Variants in CCDC91 observed in about 807,000 individuals in gnomAD.
The protein encoded by CCDC91 is coiled-coil domain containing 91, also known as coiled-coil domain-containing protein 91.
A neutral mutation model predicts 63.2 loss-of-function variants in CCDC91; 48 were observed. The ratio of observed to expected loss-of-function variants is 0.76; its 90% CI spans 0.60 to 0.97. The LOEUF is 0.97. Ranked by LOEUF, CCDC91 falls within the 50% of genes least tolerant of loss-of-function variation. The pLI is 0.00. For synonymous variants in CCDC91, 167 were observed against 165.8 expected (o/e 1.01, Z -0.06); for missense variants, 500 against 494.6 (o/e 1.01, Z -0.10).
At chr12:28,514,748 C>A (rs960401345) in intron 12 of CCDC91, among the ~76,000 whole-genome samples, 1 of 151,824 alleles carries the variant, frequency 6.6e-6, no homozygotes, top group Non-Finnish European at 1.5e-5. Context: ...ATAGGGAGTT[C>A]TTTCCCCATT....
At chr12:28,543,174 A>C (rs1198602989) in intron 12 of CCDC91, among the ~76,000 whole-genome samples, 1 of 151,982 alleles carries the variant, frequency 6.6e-6, no homozygotes, top group Non-Finnish European at 1.5e-5. Context: ...GCCCTACCCT[A>C]ATCCAGTAAG....
intron 1 of CCDC91, among the ~76,000 whole-genome samples, chr12:28,194,921 G>T (rs1386554255): frequency 1.3e-5 from 2 of 152,234 alleles, no homozygotes; most frequent in African/African-American, 4.8e-5. Flanking sequence ...TACCTTCACT[G>T]TGAGTGTTAC....
intron 3 of CCDC91, among the ~76,000 whole-genome samples, chr12:28,261,778 A>C (rs1444012461): frequency 6.6e-6 from 1 of 151,946 alleles, no homozygotes; most frequent in Non-Finnish European, 1.5e-5. Flanking sequence ...TTAGTGGGTC[A>C]AGTTCTCAAA....
At chr12:28,238,452 T>C (rs1370149551) in intron 1 of CCDC91, among the ~76,000 whole-genome samples, 2 of 152,140 alleles carry the variant, frequency 1.3e-5, no homozygotes, top group African/African-American at 4.8e-5. Flanking sequence ...AAGAATTAGT[T>C]TTTATATTTT....
chr12:28,429,858 A>C lies in CCDC91; in HGVS notation c.763-20303A>C, dbSNP rs183764515. Reference sequence around the variant, plus strand: ...TTAAAAAAAAATTTAATCGCATCCCAAAAAAACTCTCTGATGCTCTCTTGT... The same window carrying C: ...TTAAAAAAAAATTTAATCGCATCCCCAAAAAACTCTCTGATGCTCTCTTGT... On this transcript the variant is annotated intron_variant, in intron 8 of 12. Transcript: ENST00000536442. Among the ~76,000 whole-genome samples the C allele has an allele frequency of 2.4e-3, 360 of 152,082 alleles. 1 individual carries two copies. The highest frequency in any genetic ancestry group is 8.3e-3 in the African/African-American group (344 of 41,524).
At chr12:28,534,694 G>A (rs930547892) in intron 12 of CCDC91, among the ~76,000 whole-genome samples, 2 of 152,120 alleles carry the variant, frequency 1.3e-5, no homozygotes, top group Non-Finnish European at 2.9e-5. Context: ...TTTAAAAATG[G>A]AATCCATATT....
intron 6 of CCDC91, among the ~76,000 whole-genome samples, chr12:28,348,852 T>TA (rs1337520101): frequency 3.1e-4 from 47 of 152,086 alleles, no homozygotes; most frequent in Non-Finnish European, 5.6e-4. Flanking sequence ...GCCTCCTGAG[T>TA]AGCTGGGACT....
intron 11 of CCDC91, among the ~76,000 whole-genome samples, chr12:28,462,824 C>T (rs10843181): frequency 0.21 from 31,706 of 151,842 alleles, 4,336 homozygotes; most frequent in Non-Finnish European, 0.31. Flanking sequence ...ATTCTATGAG[C>T]ACATTTGAGG....
intron 8 of CCDC91, among the ~76,000 whole-genome samples, chr12:28,394,240 G>A (rs1946131479): frequency 6.6e-6 from 1 of 152,162 alleles, no homozygotes; most frequent in Admixed American, 6.5e-5. Flanking sequence ...GCCACGGCGG[G>A]CCGATCACAA....
intron 1 of CCDC91, among the ~76,000 whole-genome samples, chr12:28,195,049 T>C (rs1191405731): frequency 6.7e-6 from 1 of 148,494 alleles, no homozygotes; most frequent in African/African-American, 2.5e-5. Flanking sequence ...TGCTGCTGGC[T>C]CGGGTGGCCT....
intron 6 of CCDC91, among the ~76,000 whole-genome samples, chr12:28,325,897 G>T (rs1436102832): frequency 6.6e-6 from 1 of 151,968 alleles, no homozygotes; most frequent in East Asian, 1.9e-4. Flanking sequence ...AAAATGTATA[G>T]ACCTAATCAA....
intron 3 of CCDC91, among the ~76,000 whole-genome samples, chr12:28,294,466 GCT>G (rs1949435935): frequency 6.6e-6 from 1 of 152,008 alleles, no homozygotes; most frequent in African/African-American, 2.4e-5. Context: ...CCCTTCTCTG[GCT>G]CTCTTTCTCC....
At chr12:28,237,241 C>CACACAG (rs1293992028) in intron 1 of CCDC91, among the ~76,000 whole-genome samples, 3 of 150,648 alleles carry the variant, frequency 2.0e-5, no homozygotes, top group Admixed American at 6.6e-5. Context: ...CACATACACA[C>CACACAG]ACACACACAC....
intron 11 of CCDC91, among the ~76,000 whole-genome samples, chr12:28,455,371 G>A (rs1264293602): frequency 1.3e-5 from 2 of 152,104 alleles, no homozygotes; most frequent in Non-Finnish European, 2.9e-5. Context: ...TTCGTTGCAA[G>A]ACTAGAAGTA....
At chr12:28,250,840 G>A (rs1222046092) in intron 1 of CCDC91, among the ~76,000 whole-genome samples, 1 of 151,924 alleles carries the variant, frequency 6.6e-6, no homozygotes, top group Non-Finnish European at 1.5e-5. Context: ...TATAAACTTA[G>A]GTAGACAGTT....
intron 12 of CCDC91, among the ~76,000 whole-genome samples, chr12:28,523,371 G>GT (rs1940928944): frequency 6.6e-6 from 1 of 152,084 alleles, no homozygotes. Context: ...TTTAAAGTCT[G>GT]TTTTATCAGA....
chr12:28,232,556 GAATTA>G (rs986692567), intron 1 of CCDC91, among the ~76,000 whole-genome samples: 4 of 151,996 alleles, frequency 2.6e-5, no homozygotes, highest in Non-Finnish European at 5.9e-5. Context: ...TGAGTTTGTT[GAATTA>G]AATTAGATTG....
intron 6 of CCDC91, among the ~76,000 whole-genome samples, chr12:28,332,694 G>A (rs951846867): frequency 6.6e-6 from 1 of 152,104 alleles, no homozygotes; most frequent in African/African-American, 2.4e-5. Flanking sequence ...TTTCTAGGAC[G>A]TAGCTCCTCA....
intron 12 of CCDC91, among the ~76,000 whole-genome samples, chr12:28,534,280 A>G (rs1313651313): frequency 1.3e-5 from 2 of 152,194 alleles, no homozygotes; most frequent in African/African-American, 4.8e-5. Context: ...TTTGAAAATC[A>G]TAAGTGAACA....
Sources: allele counts gnomAD v4.1 joint callset (sites outside exome capture counted in the v4.1 genomes callset), GRCh38; gene constraint gnomAD v4.1.1; transcripts MANE v1.5; gene names NCBI Gene and HGNC (gene_info 2026-07-23, HGNC 2026-07-21).